CLUL1: variants seen among roughly 807,000 people sequenced by gnomAD.
The protein encoded by CLUL1 is clusterin-like protein 1.
In CLUL1, 43 loss-of-function variants were observed where a neutral mutation model predicts 49.4. The observed-to-expected ratio is 0.87, with a 90% CI of 0.68 to 1.12. The LOEUF is 1.12. CLUL1 is among the 50% of genes most tolerant of loss of function. The probability of loss-of-function intolerance (pLI) is 0.00; values close to 1 mark genes in which losing one functional copy is unlikely to be tolerated. For missense variants in CLUL1, 486 were observed against 544.4 expected, an observed-to-expected ratio of 0.89 and a Z score of 1.07; for synonymous variants, 192 against 184.9, an observed-to-expected ratio of 1.04 and a Z score of -0.31.
chr18:649,789 C>A, intron 9 of CLUL1, 109 bp from the exon 10 acceptor site: 1 of 727,338 alleles, frequency 1.4e-6, no homozygotes. Context: ...AAGCCAACAG[C>A]AGGTATTCTA....
chr18:601,102 G>A (rs563534356), intron 1 of CLUL1, among the ~76,000 whole-genome samples: 3 of 152,304 alleles, frequency 2.0e-5, no homozygotes, highest in South Asian at 4.1e-4. Context: ...CAGTCAAGAA[G>A]CTTTTATTAA....
intron 2 of CLUL1, chr18:612,941 A>G (rs1028999237): frequency 3.9e-5 from 8 of 206,402 alleles, no homozygotes; most frequent in Non-Finnish European, 7.7e-5. Context: ...TGTACTTGAT[A>G]TTTATATACA....
intron 2 of CLUL1, among the ~76,000 whole-genome samples, chr18:607,869 T>C (rs1178712803): frequency 6.6e-6 from 1 of 152,198 alleles, no homozygotes; most frequent in Non-Finnish European, 1.5e-5. Flanking sequence ...CCACTGGCTC[T>C]AAAACTTCTT....
rs1271093630 is a variant in CLUL1, at chr18:619,302, A to G, written c.196A>G (p.Lys66Glu). ...IKQMKIMMER[K>E]EKEHTNLMST... is the part of the protein sequence containing the mutation. ...GCAAATGAAAATCATGATGGAAAGA[A>G]AAGAGAAGGAACACACCAATCTAAT... Residue 66 changes from lysine to glutamate, a missense_variant, in exon 4 of 10, where the codon AAA becomes GAA. By Grantham distance (56) the Lys-to-Glu change is moderately conservative. Coordinates refer to ENST00000692774, the MANE Select transcript of CLUL1 (RefSeq NM_001393344.1). The G allele has an allele frequency of 6.2e-7, 1 of 1,614,156 alleles. No individual in the cohort carries two copies.
intron 2 of CLUL1, chr18:614,849 G>C (rs2073245057): frequency 6.6e-6 from 1 of 152,156 alleles, no homozygotes; most frequent in Non-Finnish European, 1.5e-5. Context: ...GTCTGCTCCT[G>C]GCCAAATGTC....
intron 4 of CLUL1, among the ~76,000 whole-genome samples, chr18:623,681 C>A (rs1479685972): frequency 1.4e-5 from 2 of 142,578 alleles, no homozygotes; most frequent in Non-Finnish European, 3.1e-5. Context: ...ATGTAAGATT[C>A]CAAAATTGTT....
intron 8 of CLUL1, 143 bp from the exon 9 acceptor site, chr18:644,767 T>C (rs1303150059): frequency 3.7e-6 from 2 of 539,080 alleles, no homozygotes; most frequent in Non-Finnish European, 6.4e-6. Flanking sequence ...AAATAAATCT[T>C]TGTTGCATGA....
At chr18:617,569 T>C (rs1426852856) in intron 2 of CLUL1, among the ~76,000 whole-genome samples, 1 of 111,754 alleles carries the variant, frequency 8.9e-6, no homozygotes, top group Non-Finnish European at 1.7e-5. Flanking sequence ...CACTCCAGCC[T>C]GGGCAACAAG....
At chr18:619,732 G>C (rs1259398854) in intron 4 of CLUL1, among the ~76,000 whole-genome samples, 1 of 151,420 alleles carries the variant, frequency 6.6e-6, no homozygotes, top group Non-Finnish European at 1.5e-5. Flanking sequence ...GTTTGTTTCT[G>C]TTTTTGAGAC....
chr18:630,360 C>T (rs1196084783), intron 6 of CLUL1, among the ~76,000 whole-genome samples: 7 of 152,102 alleles, frequency 4.6e-5, no homozygotes, highest in African/African-American at 1.4e-4. Flanking sequence ...CCGCCCACCT[C>T]GGCCTCCCAA....
chr18:609,170 T>A (rs2073062881), intron 2 of CLUL1, among the ~76,000 whole-genome samples: 1 of 152,192 alleles, frequency 6.6e-6, no homozygotes, highest in Non-Finnish European at 1.5e-5. Flanking sequence ...ACAATATTTT[T>A]AATAATTTTC....
At chr18:628,914 T>G (rs1007822733) in intron 6 of CLUL1, among the ~76,000 whole-genome samples, 1 of 152,074 alleles carries the variant, frequency 6.6e-6, no homozygotes, top group Admixed American at 6.6e-5. Flanking sequence ...ATTACAAGCA[T>G]GAGCCACCAC....
At chr18:641,923 T>G (rs1256229784) in intron 8 of CLUL1, among the ~76,000 whole-genome samples, 1 of 152,158 alleles carries the variant, frequency 6.6e-6, no homozygotes, top group Non-Finnish European at 1.5e-5. Context: ...TGAGTAAGCT[T>G]GGGAAAGTAC....
Position 626,937 on chromosome 18 carries a change from AGG to A in CLUL1, c.424-159_424-158del, listed in dbSNP as rs2073781669. Reference sequence around the variant, plus strand: ...AAAGAAAGAAAGAAAGAAGGAAAGAAGGAAAGAAGGAAGGAAGGAAGGAAGGA... The same window carrying A: ...AAAGAAAGAAAGAAAGAAGGAAAGAAAAAGAAGGAAGGAAGGAAGGAAGGA... On this transcript the variant is annotated intron_variant, in intron 5 of 9. Transcript: ENST00000692774. Among the ~76,000 whole-genome samples the A allele has an allele frequency of 5.1e-3, 8 of 1,572 alleles. 1 individual carries two copies. The highest frequency in any genetic ancestry group is 0.017 in the Non-Finnish European group (4 of 240). 1.0% of individuals were successfully genotyped at this position (1,572 alleles called of 152,430 possible).
At chr18:626,945 AGGAAGGAAG>A (rs2073786818) in intron 5 of CLUL1, 143 bp from the exon 6 acceptor site, 1 of 3,206 alleles carries the variant, frequency 3.1e-4, no homozygotes, top group African/African-American at 4.9e-4. Flanking sequence ...GAAGGAAAGA[AGGAAGGAAG>A]GAAGGAAGGA....
intron 9 of CLUL1, among the ~76,000 whole-genome samples, chr18:646,301 G>T (rs2144212378): frequency 6.6e-6 from 1 of 151,224 alleles, no homozygotes; most frequent in East Asian, 1.9e-4. Flanking sequence ...GACAGGATTT[G>T]TTGCCTCTCC....
intron 2 of CLUL1, among the ~76,000 whole-genome samples, chr18:615,322 T>C (rs2073256412): frequency 6.6e-6 from 1 of 152,208 alleles, no homozygotes; most frequent in African/African-American, 2.4e-5. Context: ...AAAGTTCTGT[T>C]CTGAGAAATT....
intron 4 of CLUL1, 48 bp from the exon 5 acceptor site, chr18:624,817 C>T (rs1282471316): frequency 6.3e-6 from 10 of 1,575,898 alleles, no homozygotes; most frequent in Non-Finnish European, 7.8e-6. Flanking sequence ...CTAAGGTGCA[C>T]ATAGATTATG....
chr18:646,403 G>A (rs1160559081), intron 9 of CLUL1, among the ~76,000 whole-genome samples: 2 of 150,438 alleles, frequency 1.3e-5, no homozygotes, highest in Non-Finnish European at 3.0e-5. Context: ...GTTTAGATAC[G>A]GGAACTGGTA....
Sources: gnomAD v4.1 joint callset for allele counts (sites outside exome capture counted in the v4.1 genomes callset) on GRCh38, gnomAD v4.1.1 for gene constraint, MANE v1.5 for transcripts, NCBI Gene and HGNC (gene_info 2026-07-23, HGNC 2026-07-21) for gene names.